The following ABI1 variants were observed in gnomAD, a reference collection of about 807,000 sequenced individuals.
ABI1 encodes Abelson interactor 1.
ABI1 carries 14 observed loss-of-function variants against 54.6 expected under a neutral mutation model. The ratio of observed to expected loss-of-function variants is 0.26; its 90% CI spans 0.17 to 0.40. The LOEUF (loss-of-function observed/expected upper bound fraction) is 0.40. ABI1 is among the 10% of genes least tolerant of loss of function. ABI1 has a pLI of 1.00. For missense variants in ABI1, 443 were observed against 598.3 expected (o/e 0.74, Z 2.71); for synonymous variants, 194 against 209.3 (o/e 0.93, Z 0.63).
At chr10:26,831,488 A>G (rs1160441461) in intron 1 of ABI1, among the ~76,000 whole-genome samples, 4 of 152,178 alleles carry the variant, frequency 2.6e-5, no homozygotes, top group Admixed American at 1.3e-4. Flanking sequence ...GCTTGCAGTG[A>G]GCCGAGATAG....
At position 26,860,088 on chromosome 10, in the gene ABI1, G is replaced by A. The variant is rs138011976; in HGVS notation, c.117+659C>T. ...ATTTTAAGATGAACTTCTCTCAAAC[G>A]CCCTCCCTCACTCCCCACACCCGCT... On this transcript the variant is annotated intron_variant, in intron 1 of 10. Transcript: ENST00000376140. The surrounding 1 kb of genome is among the most constrained non-coding windows in gnomAD (Gnocchi z 4.1). Among the ~76,000 whole-genome samples, 112 of 152,132 alleles carry A rather than the reference G, an allele frequency of 7.4e-4. No homozygotes were observed. The highest frequency in any genetic ancestry group is 3.4e-3 in the Middle Eastern group (1 of 294).
At chr10:26,802,267 T>C (rs1405277715) in intron 2 of ABI1, among the ~76,000 whole-genome samples, 10 of 152,180 alleles carry the variant, frequency 6.6e-5, no homozygotes, top group Admixed American at 6.5e-4. Context: ...TAATTTAGGA[T>C]TTTTTCCCTT....
At chr10:26,827,596 GTTTTTTT>G in intron 1 of ABI1, among the ~76,000 whole-genome samples, 1 of 138,076 alleles carries the variant, frequency 7.2e-6, no homozygotes. Context: ...TCTGTTTTTT[GTTTTTTT>G]TTTTTTTGAG....
chr10:26,770,878 C>T (rs896043276), intron 4 of ABI1, among the ~76,000 whole-genome samples, 197 bp downstream of exon 4: 12 of 152,108 alleles, frequency 7.9e-5, no homozygotes, highest in African/African-American at 2.7e-4. Flanking sequence ...ACACAGATGT[C>T]AATATATCAT....
At chr10:26,779,173 G>C (rs1008449335) in intron 2 of ABI1, among the ~76,000 whole-genome samples, 5 of 152,208 alleles carry the variant, frequency 3.3e-5, no homozygotes, top group African/African-American at 1.2e-4. Context: ...TTCTAGAAAT[G>C]GAAGGAAAGA....
rs1403672513 is a variant in ABI1 at position 26,777,154 on chromosome 10, T to C, written c.373A>G (p.Ile125Val). The C allele has an allele frequency of 3.7e-6, 6 of 1,613,894 alleles. No homozygotes were observed. The highest frequency in any genetic ancestry group is 1.7e-5 in the Admixed American group (1 of 59,974). The change falls in exon 3 of 11, where the codon ATA becomes GTA. Residue 125 changes from isoleucine (I) to valine (V), a missense_variant. Physicochemically the swap from Ile to Val is conservative, Grantham distance 29. This residue lies in a region of ABI1 where 394 missense variants were observed against 484.8 expected (regional missense o/e 0.81). Coordinates refer to ENST00000376140, the MANE Select transcript of ABI1 (RefSeq NM_001012750.3). Reference sequence around the variant, plus strand: ...GGGCGCTCCATATTCGCAGGTGCTATTATTTTGTGAGTTCTTGATGTATTC... The same window carrying C: ...GGGCGCTCCATATTCGCAGGTGCTACTATTTTGTGAGTTCTTGATGTATTC... Reference protein sequence around the residue: ...NKNTSRTHKIIAPANMERPVR... With the variant: ...NKNTSRTHKIVAPANMERPVR...
Position 26,748,467 on chromosome 10 carries a change from A to G in ABI1, c.*103T>C. 1 of 871,112 alleles carries G rather than the reference A, an allele frequency of 1.1e-6. No individual in the cohort carries two copies. The highest frequency in any genetic ancestry group is 2.7e-5 in the East Asian group (1 of 37,490). 54.0% of individuals were successfully genotyped at this position (871,112 alleles called of 1,614,324 possible). On this transcript the variant is annotated 3_prime_UTR_variant, in exon 11 of 11. Coordinates refer to ENST00000376140, the MANE Select transcript of ABI1 (RefSeq NM_001012750.3). The stretch of plus-strand genomic sequence containing the variant: ...TTACCAATAAAACAGCATGTTCTGA[A>G]AATATGGGCACATTTTAAAACATAT...
intron 2 of ABI1, among the ~76,000 whole-genome samples, chr10:26,778,817 T>A (rs781371848): frequency 7.9e-5 from 12 of 152,172 alleles, no homozygotes; most frequent in Non-Finnish European, 1.5e-4. Context: ...AAAGTTAATG[T>A]AGACCTCCAG....
intron 2 of ABI1, among the ~76,000 whole-genome samples, chr10:26,821,341 G>C (rs2047970124): frequency 6.6e-6 from 1 of 150,734 alleles, no homozygotes; most frequent in Non-Finnish European, 1.5e-5. Flanking sequence ...CAATGCAACA[G>C]AAAACAAAAA....
At chr10:26,845,414 G>A (rs376832722) in intron 1 of ABI1, among the ~76,000 whole-genome samples, 37 of 151,654 alleles carry the variant, frequency 2.4e-4, no homozygotes, top group Admixed American at 4.6e-4. Context: ...AGGCTGAGGC[G>A]GGCGGATCAC....
Position 26,853,926 on chromosome 10 carries a change from C to G in ABI1, c.117+6821G>C, listed in dbSNP as rs72629737. ...AATATCCTAGAGTTTGATCCAACCT[C>G]TTGTCCCAATATGAACACTCTTCCT... On this transcript the variant is annotated intron_variant, in intron 1 of 10. Coordinates refer to ENST00000376140, the MANE Select transcript of ABI1 (RefSeq NM_001012750.3). Among the ~76,000 whole-genome samples the G allele has an allele frequency of 0.018, 2,710 of 152,250 alleles. 191 individuals are homozygous for G. In the South Asian group the frequency reaches 0.19, roughly 11 times the overall value.
intron 1 of ABI1, among the ~76,000 whole-genome samples, chr10:26,853,662 C>T (rs1290782910): frequency 6.6e-6 from 1 of 151,836 alleles, no homozygotes; most frequent in Admixed American, 6.6e-5. Flanking sequence ...CCTCAGCCTC[C>T]CAGGTAGCTG....
At chr10:26,848,345 A>G (rs745970441) in intron 1 of ABI1, among the ~76,000 whole-genome samples, 9 of 152,030 alleles carry the variant, frequency 5.9e-5, no homozygotes, top group Non-Finnish European at 8.8e-5. Flanking sequence ...AATGATTGTT[A>G]TATCATTTTA....
At chr10:26,829,008 C>T (rs1036800975) in intron 1 of ABI1, among the ~76,000 whole-genome samples, 6 of 152,120 alleles carry the variant, frequency 3.9e-5, no homozygotes, top group African/African-American at 2.4e-5. Context: ...GGGCGGATCA[C>T]GAGCTCAGGA....
intron 1 of ABI1, among the ~76,000 whole-genome samples, chr10:26,859,850 A>G (rs2051150825): frequency 1.3e-5 from 2 of 152,216 alleles, no homozygotes; most frequent in Non-Finnish European, 2.9e-5. Context: ...TGAAGCCTAC[A>G]GCTCAAGAAC....
intron 2 of ABI1, among the ~76,000 whole-genome samples, chr10:26,785,578 C>T (rs898785627): frequency 1.1e-4 from 16 of 152,008 alleles, no homozygotes; most frequent in African/African-American, 1.4e-4. Flanking sequence ...AAAAATTAGC[C>T]GGGCACGGTG....
At chr10:26,811,781 T>TTG (rs2047251482) in intron 2 of ABI1, among the ~76,000 whole-genome samples, 1 of 115,686 alleles carries the variant, frequency 8.6e-6, no homozygotes, top group African/African-American at 2.9e-5. Flanking sequence ...TTGTATAAAT[T>TTG]TATGCAAAGA....
At chr10:26,795,678 T>G (rs549885068) in intron 2 of ABI1, among the ~76,000 whole-genome samples, 1 of 151,264 alleles carries the variant, frequency 6.6e-6, no homozygotes, top group Non-Finnish European at 1.5e-5. Context: ...TACTTAGGAG[T>G]AAATTTAACC....
intron 2 of ABI1, among the ~76,000 whole-genome samples, chr10:26,794,470 C>G (rs1480413046): frequency 1.3e-5 from 2 of 151,730 alleles, no homozygotes; most frequent in Admixed American, 1.3e-4. Flanking sequence ...AGTCTAATGA[C>G]TAAGAGTTGA....
Sources: allele counts gnomAD v4.1 joint callset (sites outside exome capture counted in the v4.1 genomes callset), GRCh38; gene constraint gnomAD v4.1.1; regional missense constraint gnomAD v4.1.1; non-coding constraint Gnocchi (gnomAD v3.1); transcripts MANE v1.5; gene names NCBI Gene and HGNC (gene_info 2026-07-23, HGNC 2026-07-21).